The following FCAR variants were observed in gnomAD, a reference collection of about 807,000 sequenced individuals.
The protein encoded by FCAR is Fc alpha receptor.
Under a neutral mutation model 27.1 loss-of-function variants are expected in FCAR, and 21 were observed. The ratio of observed to expected loss-of-function variants is 0.77; its 90% CI spans 0.55 to 1.11. FCAR has a LOEUF of 1.11. Among genes scored for constraint, FCAR ranks in the 50% most tolerant of loss-of-function variants. The pLI is 0.00. For synonymous variants in FCAR, 134 were observed against 135.8 expected (o/e 0.99, Z 0.09); for missense variants, 404 against 358.4 (o/e 1.13, Z -1.03).
chr19:54,883,817 C>T (rs1427778289), intron 2 of FCAR, among the ~76,000 whole-genome samples: 6 of 152,006 alleles, frequency 3.9e-5, no homozygotes, highest in African/African-American at 7.2e-5. Flanking sequence ...ATTAGCCAGG[C>T]GTGGTGGCGG....
rs1266565707 is a variant in FCAR, at chr19:54,886,875, A to G, written c.362-1132A>G. ...GTTATGGGTCATTGCAGGCAAGACC[A>G]CAGAAGCAAAGTGCCATTTCATCTC... On this transcript the variant is annotated intron_variant, in intron 3 of 4. Coordinates refer to ENST00000355524, the MANE Select transcript of FCAR (RefSeq NM_002000.4). Among the ~76,000 whole-genome samples, 4 of 152,362 alleles carry G rather than the reference A, an allele frequency of 2.6e-5. No individual in the cohort carries two copies. The East Asian group carries it at 7.7e-4, about 29-fold the overall frequency.
intron 2 of FCAR, among the ~76,000 whole-genome samples, chr19:54,879,624 A>G (rs2066295364): frequency 6.6e-6 from 1 of 151,204 alleles, no homozygotes; most frequent in South Asian, 2.1e-4. Context: ...TGTTAGCTCG[A>G]TGGCATTCCC....
Position 54,875,315 on chromosome 19 carries a change from ATC to A in FCAR, c.35-7_35-6del. The A allele has an allele frequency of 6.2e-7, 1 of 1,612,350 alleles. No homozygotes were observed. The highest frequency in any genetic ancestry group is 1.1e-5 in the South Asian group (1 of 90,810). ...GAAATGGAAGCTTGATTTTTCATAA[ATC>A]TCTCTCTTCCAGTGCTCTGTCTGGG... On this transcript the variant is annotated splice_polypyrimidine_tract_variant and intron_variant, in intron 1 of 4. Transcript: ENST00000355524.
intron 1 of FCAR, 105 bp from the exon 2 acceptor site, chr19:54,875,225 G>A (rs1252454041): frequency 3.5e-6 from 3 of 857,224 alleles, no homozygotes; most frequent in Non-Finnish European, 5.7e-6. Context: ...ATTGAGCTGT[G>A]AATCCATCTG....
chr19:54,878,919 C>A (rs1218179997), intron 2 of FCAR, among the ~76,000 whole-genome samples: 1 of 144,620 alleles, frequency 6.9e-6, no homozygotes, highest in Non-Finnish European at 1.5e-5. Context: ...CACTCTGTCA[C>A]CCAGGCTGGA....
Position 54,888,010 on chromosome 19 carries a change from TG to T in FCAR, c.366del (p.Leu122PhefsTer15). 1 of 1,610,954 alleles carries T rather than the reference TG, an allele frequency of 6.2e-7. No homozygotes were observed. Among genetic ancestry groups the T allele is most frequent in the South Asian group, 1.1e-5 (1 of 90,964 alleles). ...SDTLELVVTG[L>X]YGKPFLSADR... ...AGCTCACTCTTTTCTCTCTTAGGCTTGTATGGCAAACCCTTCCTCTCTGCAG... is the reference window on the plus strand; with the variant it reads ...AGCTCACTCTTTTCTCTCTTAGGCTTTATGGCAAACCCTTCCTCTCTGCAG... On this transcript the variant is annotated frameshift_variant, in exon 4 of 5. Transcript: ENST00000355524. LOFTEE classifies it high-confidence loss of function.
chr19:54,879,977 G>A (rs185604597), intron 2 of FCAR, among the ~76,000 whole-genome samples: 45 of 152,280 alleles, frequency 3.0e-4, no homozygotes, highest in East Asian at 3.9e-4. Context: ...GAGCCACCGC[G>A]CCCGGCCGAC....
chr19:54,883,304 G>A (rs587709548), intron 2 of FCAR, among the ~76,000 whole-genome samples: 1 of 152,048 alleles, frequency 6.6e-6, no homozygotes, highest in African/African-American at 2.4e-5. Context: ...AAAGTCGGCA[G>A]TAGTGCTCTG....
At chr19:54,887,642 C>T (rs1321580381) in intron 3 of FCAR, among the ~76,000 whole-genome samples, 1 of 151,262 alleles carries the variant, frequency 6.6e-6, no homozygotes, top group African/African-American at 2.4e-5. Context: ...ATAGGCTGGG[C>T]ACAGTTGCTC....
At chr19:54,878,750 CA>C (rs1410631508) in intron 2 of FCAR, among the ~76,000 whole-genome samples, 27 of 83,550 alleles carry the variant, frequency 3.2e-4, no homozygotes, top group African/African-American at 1.4e-3. Context: ...GCAGCTCCTG[CA>C]TTTTTTTTTT....
Position 54,890,099 on chromosome 19 carries a change from A to C in FCAR, c.*236A>C. 1 of 573,966 alleles carries C rather than the reference A, an allele frequency of 1.7e-6. No individual in the cohort carries two copies. The highest frequency in any genetic ancestry group is 3.1e-6 in the Non-Finnish European group (1 of 322,192). 35.6% of individuals were successfully genotyped at this position (573,966 alleles called of 1,614,324 possible). ...CTCCCAAGTAGCTGGAATTACAGGC[A>C]CATACCACTGCACCCAGCTAATTTT... On this transcript the variant is annotated 3_prime_UTR_variant, in exon 5 of 5. Transcript: ENST00000355524.
chr19:54,889,746 G>T lies in FCAR; in HGVS notation c.747G>T (p.Trp249Cys). The T allele has an allele frequency of 6.2e-7, 1 of 1,614,076 alleles. No homozygotes were observed. Among genetic ancestry groups the T allele is most frequent in the South Asian group, 1.1e-5 (1 of 91,078 alleles). ...TCTTGGCCATACTGGTTGAAAATTG[G>T]CACAGCCATACGGCACTGAACAAGG... ...VALLAILVEN[W>C]HSHTALNKEA... Residue 249 changes from tryptophan to cysteine, a missense_variant, in exon 5 of 5, where the codon TGG becomes TGT. By Grantham distance (215) the Trp-to-Cys change is radical (BLOSUM62 -2). Coordinates refer to ENST00000355524, the MANE Select transcript of FCAR (RefSeq NM_002000.4).
At chr19:54,886,242 C>T (rs1296451620) in intron 3 of FCAR, among the ~76,000 whole-genome samples, 1 of 139,368 alleles carries the variant, frequency 7.2e-6, no homozygotes, top group Non-Finnish European at 1.6e-5. Flanking sequence ...GGCGAGACTC[C>T]ATCTCACACA....
At chr19:54,882,688 T>C (rs867113695) in intron 2 of FCAR, among the ~76,000 whole-genome samples, 9 of 151,412 alleles carry the variant, frequency 5.9e-5, no homozygotes, top group Admixed American at 1.3e-4. Flanking sequence ...ATCTGCCCAC[T>C]TCAGCCTCCC....
Position 54,888,161 on chromosome 19 carries a change from G to GAA in FCAR, c.516_517insAA (p.Glu173LysfsTer57). 1 of 1,614,140 alleles carries GAA rather than the reference G, an allele frequency of 6.2e-7. No individual in the cohort carries two copies. Among genetic ancestry groups the GAA allele is most frequent in the South Asian group, 1.1e-5 (1 of 91,076 alleles). On this transcript the variant is annotated frameshift_variant, in exon 4 of 5. Transcript: ENST00000355524. LOFTEE classifies it high-confidence loss of function. ...TTTCTCTGCCACAGCACCAAAGTGG[G>GAA]GAACACCCGGCCAACTTCTCTTTGG...
intron 2 of FCAR, among the ~76,000 whole-genome samples, chr19:54,878,015 A>C (rs2066192886): frequency 6.7e-6 from 1 of 149,760 alleles, no homozygotes; most frequent in Admixed American, 6.8e-5. Flanking sequence ...TCCCAGGTTC[A>C]CACCATTCTC....
chr19:54,879,604 A>C (rs2066293965), intron 2 of FCAR, among the ~76,000 whole-genome samples: 1 of 152,008 alleles, frequency 6.6e-6, no homozygotes, highest in Non-Finnish European at 1.5e-5. Flanking sequence ...GTTTCTGCTG[A>C]AAGGTCTGCT....
Position 54,888,011 on chromosome 19 carries a change from G to C in FCAR, c.366G>C (p.Leu122Phe), listed in dbSNP as rs1036290140. 2 of 1,611,128 alleles carry C rather than the reference G, an allele frequency of 1.2e-6. No individual in the cohort carries two copies. Among genetic ancestry groups the C allele is most frequent in the Admixed American group, 1.7e-5 (1 of 59,782 alleles). Residue 122 changes from leucine (L) to phenylalanine (F), a missense_variant, in exon 4 of 5, where the codon TTG becomes TTC. Coordinates refer to ENST00000355524, the MANE Select transcript of FCAR (RefSeq NM_002000.4). ...GCTCACTCTTTTCTCTCTTAGGCTT[G>C]TATGGCAAACCCTTCCTCTCTGCAG... ...SDTLELVVTG[L>F]YGKPFLSADR...
intron 2 of FCAR, among the ~76,000 whole-genome samples, chr19:54,884,460 C>T (rs587657701): frequency 2.6e-5 from 4 of 152,082 alleles, no homozygotes; most frequent in South Asian, 2.1e-4. Flanking sequence ...GGTGAAACCC[C>T]GTTTCTACTA....
Sources: gnomAD v4.1 joint callset for allele counts (sites outside exome capture counted in the v4.1 genomes callset) on GRCh38, gnomAD v4.1.1 for gene constraint, MANE v1.5 for transcripts, NCBI Gene and HGNC (gene_info 2026-07-23, HGNC 2026-07-21) for gene names.